DAD1: variants seen among roughly 807,000 people sequenced by gnomAD.
DAD1 encodes the protein defender against cell death 1, also known as dolichyl-diphosphooligosaccharide--protein glycosyltransferase subunit DAD1.
Under a neutral mutation model 9.0 loss-of-function variants are expected in DAD1, and 4 were observed. The ratio of observed to expected loss-of-function variants is 0.44; its 90% CI spans 0.22 to 1.01. The LOEUF (loss-of-function observed/expected upper bound fraction) is 1.01. Ranked by LOEUF, DAD1 falls within the 50% of genes least tolerant of loss-of-function variation. DAD1 has a pLI of 0.24. For missense variants in DAD1, 119 were observed against 137.3 expected, an observed-to-expected ratio of 0.87 and a Z score of 0.67; for synonymous variants, 60 against 62.5, an observed-to-expected ratio of 0.96 and a Z score of 0.19.
intron 2 of DAD1, among the ~76,000 whole-genome samples, chr14:22,573,681 G>A (rs953501417): frequency 2.7e-5 from 3 of 110,996 alleles, no homozygotes; most frequent in Non-Finnish European, 5.0e-5. Flanking sequence ...CTGCACTCCA[G>A]CCTGGGTAAC....
chr14:22,583,800 G>T (rs1430361559), intron 1 of DAD1, among the ~76,000 whole-genome samples: 1 of 152,070 alleles, frequency 6.6e-6, no homozygotes, highest in African/African-American at 2.4e-5. Flanking sequence ...TCCACCATGA[G>T]AAGTCAGAGA....
intron 2 of DAD1, chr14:22,567,036 C>T (rs2037006205): frequency 6.6e-6 from 1 of 152,180 alleles, no homozygotes; most frequent in Non-Finnish European, 1.5e-5. Flanking sequence ...AGGAAACTGA[C>T]TAATAAAATC....
chr14:22,566,689 C>G (rs917071314), intron 2 of DAD1, among the ~76,000 whole-genome samples: 1 of 152,180 alleles, frequency 6.6e-6, no homozygotes, highest in Non-Finnish European at 1.5e-5. Context: ...TTTCAGTGAA[C>G]AAAGCCTTGA....
At chr14:22,569,186 G>A (rs1374799498) in intron 2 of DAD1, among the ~76,000 whole-genome samples, 2 of 152,162 alleles carry the variant, frequency 1.3e-5, no homozygotes, top group African/African-American at 4.8e-5. Context: ...TGTAATTCCA[G>A]CACTTTGGGA....
At chr14:22,576,155 C>A (rs192734158) in intron 1 of DAD1, among the ~76,000 whole-genome samples, 38 of 152,332 alleles carry the variant, frequency 2.5e-4, no homozygotes, top group African/African-American at 9.1e-4. Flanking sequence ...GTGAACACAT[C>A]TGCCTAGCTC....
chr14:22,575,758 A>T (rs1430368431), intron 1 of DAD1, among the ~76,000 whole-genome samples: 2 of 152,180 alleles, frequency 1.3e-5, no homozygotes, highest in East Asian at 3.8e-4. Context: ...CATGCTGACC[A>T]GGCTGGTCTC....
intron 2 of DAD1, chr14:22,567,061 C>G (rs1227340224): frequency 6.6e-6 from 1 of 152,194 alleles, no homozygotes; most frequent in African/African-American, 2.4e-5. Flanking sequence ...CCCCTGATAT[C>G]AAGACATGCA....
At chr14:22,582,890 C>CA (rs2037127114) in intron 1 of DAD1, among the ~76,000 whole-genome samples, 1 of 151,378 alleles carries the variant, frequency 6.6e-6, no homozygotes, top group Admixed American at 6.6e-5. Context: ...CCTGTAATCC[C>CA]AGCTACTCAG....
intron 1 of DAD1, among the ~76,000 whole-genome samples, chr14:22,581,797 G>C (rs2037118069): frequency 6.8e-6 from 1 of 147,982 alleles, no homozygotes; most frequent in African/African-American, 2.5e-5. Context: ...AGACTATAGT[G>C]ATCAAGGGGA....
chr14:22,588,203 C>A (rs2037167153), intron 1 of DAD1, among the ~76,000 whole-genome samples: 1 of 152,184 alleles, frequency 6.6e-6, no homozygotes, highest in Non-Finnish European at 1.5e-5. Context: ...TGAATGCTGG[C>A]ATGTTTTCAA....
rs1566368457 is a variant in DAD1, at chr14:22,564,914, G to A, written c.*268C>T. On this transcript the variant is annotated 3_prime_UTR_variant, in exon 3 of 3. Coordinates refer to ENST00000250498, the MANE Select transcript of DAD1 (RefSeq NM_001344.4). ...CAGAGCCAGAGGCATATGGAGGAGTGGCATGGAGTTCTTTAATTTGGAAGG... is the reference window on the plus strand; with the variant it reads ...CAGAGCCAGAGGCATATGGAGGAGTAGCATGGAGTTCTTTAATTTGGAAGG... 4 of 584,630 alleles carry A rather than the reference G, an allele frequency of 6.8e-6. No homozygotes were observed. Among genetic ancestry groups the A allele is most frequent in the Admixed American group, 3.1e-5 (1 of 32,518 alleles). The allele number at this position is 584,630 out of a possible 1,614,324, so 36.2% of individuals were successfully genotyped here. A position where few individuals can be genotyped will look rare whatever the true frequency, so the allele number is the denominator to read the frequency against.
At chr14:22,570,236 A>C (rs1270242187) in intron 2 of DAD1, among the ~76,000 whole-genome samples, 1 of 152,226 alleles carries the variant, frequency 6.6e-6, no homozygotes, top group Non-Finnish European at 1.5e-5. Flanking sequence ...AAACCAAAAA[A>C]AGAAGCTCTC....
intron 2 of DAD1, among the ~76,000 whole-genome samples, chr14:22,570,833 T>G (rs2037033563): frequency 6.6e-6 from 1 of 152,118 alleles, no homozygotes; most frequent in South Asian, 2.1e-4. Flanking sequence ...TTGGCAACTA[T>G]CTCCCTGGGA....
intron 1 of DAD1, among the ~76,000 whole-genome samples, chr14:22,582,038 T>C (rs1246013047): frequency 6.7e-6 from 1 of 149,504 alleles, no homozygotes; most frequent in African/African-American, 2.5e-5. Flanking sequence ...CCATCTCTAC[T>C]AAAAATAAAA....
chr14:22,567,455 G>C (rs1270900219), intron 2 of DAD1, among the ~76,000 whole-genome samples: 1 of 152,182 alleles, frequency 6.6e-6, no homozygotes, highest in African/African-American at 2.4e-5. Context: ...ACCAGTTTTA[G>C]AAGGCACAGA....
At chr14:22,586,207 A>G (rs1054189712) in intron 1 of DAD1, among the ~76,000 whole-genome samples, 1 of 151,840 alleles carries the variant, frequency 6.6e-6, no homozygotes, top group African/African-American at 2.4e-5. Context: ...CTCAAAAAAA[A>G]AAAAAAAGCA....
chr14:22,580,223 G>C (rs1278413651), intron 1 of DAD1, among the ~76,000 whole-genome samples: 1 of 151,756 alleles, frequency 6.6e-6, no homozygotes, highest in Non-Finnish European at 1.5e-5. Context: ...CTTGAGACCA[G>C]CCTGGGAAAG....
At chr14:22,578,965 CG>C (rs2037097364) in intron 1 of DAD1, among the ~76,000 whole-genome samples, 1 of 152,044 alleles carries the variant, frequency 6.6e-6, no homozygotes, top group African/African-American at 2.4e-5. Context: ...ACAAAGGGTC[CG>C]GGCTGAATGA....
At chr14:22,570,654 C>T (rs934110354) in intron 2 of DAD1, among the ~76,000 whole-genome samples, 1 of 152,158 alleles carries the variant, frequency 6.6e-6, no homozygotes, top group African/African-American at 2.4e-5. Context: ...ATTCGAAAAG[C>T]CAACATAATT....
Sources: allele counts gnomAD v4.1 joint callset (sites outside exome capture counted in the v4.1 genomes callset), GRCh38; gene constraint gnomAD v4.1.1; transcripts MANE v1.5; gene names NCBI Gene and HGNC (gene_info 2026-07-23, HGNC 2026-07-21).